The following C19orf47 variants were observed in gnomAD, a reference collection of about 807,000 sequenced individuals.
The protein encoded by C19orf47 is chromosome 19 open reading frame 47.
A neutral mutation model predicts 32.3 loss-of-function variants in C19orf47; 18 were observed. The ratio of observed to expected loss-of-function variants is 0.56; its 90% confidence interval spans 0.39 to 0.83. C19orf47 has a LOEUF of 0.83. Ranked by LOEUF, C19orf47 falls within the 40% of genes least tolerant of loss-of-function variation. The probability of loss-of-function intolerance (pLI) is 0.00; values close to 1 mark genes in which losing one functional copy is unlikely to be tolerated. For synonymous variants in C19orf47, 202 were observed against 211.1 expected (o/e 0.96, Z 0.37); for missense variants, 484 against 531.6 (o/e 0.91, Z 0.88).
the C19orf47 span, among the ~76,000 whole-genome samples, chr19:40,303,803 GAAAAAAA>G: frequency 1.5e-3 from 67 of 45,336 alleles, no homozygotes; most frequent in African/African-American, 5.6e-3. Context: ...GACTTTGTCT[GAAAAAAA>G]AAAAAAAAAA....
chr19:40,304,000 T>C, the C19orf47 span, among the ~76,000 whole-genome samples: 2 of 152,192 alleles, frequency 1.3e-5, no homozygotes, highest in South Asian at 4.1e-4. Context: ...ACATTAACCT[T>C]ATTCTTTTGT....
chr19:40,319,704 A>G lies in C19orf47; in HGVS notation c.*2178T>C, dbSNP rs563884745. On this transcript the variant is annotated 3_prime_UTR_variant, in exon 9 of 9. Coordinates refer to ENST00000683109, the MANE Select transcript of C19orf47 (RefSeq NM_001256441.2). ...AGGCACCTGTCACCACACCCGGCTA[A>G]TTTTTGTATTTTTAGTAGAGACGGG... The G allele has an allele frequency of 1.3e-5, 2 of 152,706 alleles. No individual in the cohort carries two copies. Among genetic ancestry groups the G allele is most frequent in the African/African-American group, 4.8e-5 (2 of 41,472 alleles). The allele number at this position is 152,706 out of a possible 1,614,324, so 9.5% of individuals were successfully genotyped here.
chr19:40,337,504 A>C (rs2078089252), intron 2 of C19orf47, among the ~76,000 whole-genome samples: 1 of 151,778 alleles, frequency 6.6e-6, no homozygotes, highest in African/African-American at 2.4e-5. Flanking sequence ...TTTTTTTCAC[A>C]TTTTGACATC....
Position 40,321,445 on chromosome 19 carries a change from G to A in C19orf47, c.*437C>T. The A allele has an allele frequency of 9.9e-7, 1 of 1,006,782 alleles. No individual in the cohort carries two copies. The highest frequency in any genetic ancestry group is 1.7e-5 in the African/African-American group (1 of 57,744). The allele number at this position is 1,006,782 out of a possible 1,614,324, so 62.4% of individuals were successfully genotyped here. On this transcript the variant is annotated 3_prime_UTR_variant, in exon 9 of 9. Transcript: ENST00000683109. ...AGTGGGGGGAGGCGCAGAGGAGTGA[G>A]GGAGGTCAGTGGGGAGTGGGGGAAG...
At chr19:40,338,072 G>A (rs147700941) in intron 2 of C19orf47, among the ~76,000 whole-genome samples, 12 of 151,980 alleles carry the variant, frequency 7.9e-5, no homozygotes, top group African/African-American at 2.9e-4. Flanking sequence ...CTGTTAATGG[G>A]TATGGGGTTT....
At chr19:40,311,745 T>G in the C19orf47 span, among the ~76,000 whole-genome samples, 1 of 151,590 alleles carries the variant, frequency 6.6e-6, no homozygotes, top group Non-Finnish European at 1.5e-5. Flanking sequence ...AATGTCTGCC[T>G]CCTGGGTTCA....
At chr19:40,314,699 C>CCCTTG (rs2077651046), downstream of C19orf47, among the ~76,000 whole-genome samples, 1 of 152,134 alleles carries the variant, frequency 6.6e-6, no homozygotes, top group Non-Finnish European at 1.5e-5. Context: ...GGAGCATAAA[C>CCCTTG]CCCCCAACTC....
At chr19:40,334,073 T>C in intron 4 of C19orf47, 144 bp from the exon 5 acceptor site, 1 of 551,868 alleles carries the variant, frequency 1.8e-6, no homozygotes, top group Non-Finnish European at 3.2e-6. Flanking sequence ...AAGCATCAGA[T>C]ACCTCCAAAC....
At chr19:40,294,018 G>A in the C19orf47 span, among the ~76,000 whole-genome samples, 1 of 152,034 alleles carries the variant, frequency 6.6e-6, no homozygotes, top group Non-Finnish European at 1.5e-5. Flanking sequence ...TACTTAAGAG[G>A]CTGAGGCAGG....
At position 40,321,287 on chromosome 19, in the gene C19orf47, C is replaced by T. The variant is rs567043762; in HGVS notation, c.*595G>A. On this transcript the variant is annotated 3_prime_UTR_variant, in exon 9 of 9. Coordinates refer to ENST00000683109, the MANE Select transcript of C19orf47 (RefSeq NM_001256441.2). ...TCAACAGGCTCGACGCCACCGCCGA[C>T]GAGGGGGCCGCTGGGAGGCCGGAGG... The T allele has an allele frequency of 2.1e-5, 21 of 986,486 alleles. No homozygotes were observed. Among genetic ancestry groups the T allele is most frequent in the Non-Finnish European group, 2.2e-5 (18 of 830,194 alleles). 61.1% of individuals were successfully genotyped at this position (986,486 alleles called of 1,614,324 possible).
the C19orf47 span, among the ~76,000 whole-genome samples, chr19:40,297,622 C>T: frequency 2.0e-5 from 3 of 148,194 alleles, no homozygotes; most frequent in South Asian, 6.4e-4. Context: ...ATTGCTTGAA[C>T]CCAGGAAGCG....
At chr19:40,293,435 C>T in the C19orf47 span, among the ~76,000 whole-genome samples, 2 of 151,326 alleles carry the variant, frequency 1.3e-5, no homozygotes, top group Non-Finnish European at 2.9e-5. Context: ...CATGAGCCAC[C>T]GTGCCCAGCA....
chr19:40,298,841 ACAGG>A, the C19orf47 span, among the ~76,000 whole-genome samples: 33 of 152,192 alleles, frequency 2.2e-4, no homozygotes, highest in Non-Finnish European at 2.2e-4. Flanking sequence ...AAGAAAAGAT[ACAGG>A]TAAAACTGAA....
rs1346705321 is a variant in C19orf47 at position 40,320,072 on chromosome 19, A to G, written c.*1810T>C. ...ATGATTCTCATCTTCTCTAGCCCCAACTTCCAACCCATCAGCACATCCCAC... is the reference window on the plus strand; with the variant it reads ...ATGATTCTCATCTTCTCTAGCCCCAGCTTCCAACCCATCAGCACATCCCAC... On this transcript the variant is annotated 3_prime_UTR_variant, in exon 9 of 9. Transcript: ENST00000683109. The G allele has an allele frequency of 6.5e-6, 1 of 154,178 alleles. No homozygotes were observed. The highest frequency in any genetic ancestry group is 1.5e-5 in the Non-Finnish European group (1 of 68,476). The allele number at this position is 154,178 out of a possible 1,614,324, so 9.6% of individuals were successfully genotyped here.
In C19orf47 at chr19:40,324,507, T is replaced by C. The variant is rs192567935; in HGVS notation, c.593-431A>G. On this transcript the variant is annotated intron_variant, in intron 7 of 8. Coordinates refer to ENST00000683109, the MANE Select transcript of C19orf47 (RefSeq NM_001256441.2). ...ATACTCTGGAAATAATAAACAACCA[T>C]TGAAAAAAGAATGAAGAAGATCTAC... 2.0e-3 allele frequency: 325 copies of C among 163,082 alleles called. 4 individuals carry two copies. The highest frequency in any genetic ancestry group is 0.015 in the Admixed American group (252 of 16,734). 10.1% of individuals were successfully genotyped at this position (163,082 alleles called of 1,614,324 possible).
the C19orf47 span, among the ~76,000 whole-genome samples, chr19:40,307,834 T>C: frequency 2.0e-5 from 3 of 152,014 alleles, no homozygotes; most frequent in Admixed American, 6.6e-5. Context: ...TGTCTTGCTC[T>C]ATCACCCAGG....
At chr19:40,305,483 A>G in the C19orf47 span, among the ~76,000 whole-genome samples, 1 of 152,224 alleles carries the variant, frequency 6.6e-6, no homozygotes, top group Non-Finnish European at 1.5e-5. Context: ...CAGTGGATTT[A>G]TAAACTCTAT....
At chr19:40,311,270 T>G in the C19orf47 span, among the ~76,000 whole-genome samples, 1 of 152,006 alleles carries the variant, frequency 6.6e-6, no homozygotes, top group East Asian at 1.9e-4. Context: ...TCTCAGCTAC[T>G]TGGGAGGCTG....
At chr19:40,323,942 A>G in intron 8 of C19orf47, 64 bp downstream of exon 8, 1 of 1,588,118 alleles carries the variant, frequency 6.3e-7, no homozygotes, top group South Asian at 1.1e-5. Context: ...TTAAAGAGTC[A>G]GGAGCACCGC....
Sources: allele counts gnomAD v4.1 joint callset (sites outside exome capture counted in the v4.1 genomes callset), GRCh38; gene constraint gnomAD v4.1.1; transcripts MANE v1.5; gene names NCBI Gene and HGNC (gene_info 2026-07-23, HGNC 2026-07-21).